The following PTPRG variants were observed in gnomAD, a reference collection of about 807,000 sequenced individuals.
PTPRG encodes the protein receptor-type tyrosine-protein phosphatase gamma.
A neutral mutation model predicts 165.3 loss-of-function variants in PTPRG; 102 were observed. The ratio of observed to expected loss-of-function variants is 0.62; its 90% CI spans 0.53 to 0.73. The LOEUF is 0.73. PTPRG is among the 30% of genes least tolerant of loss of function. The pLI is 0.00. For missense variants in PTPRG, 1,866 were observed against 1,861.4 expected, an observed-to-expected ratio of 1.00 and a Z score of -0.05; for synonymous variants, 675 against 669.5, an observed-to-expected ratio of 1.01 and a Z score of -0.13.
intron 2 of PTPRG, among the ~76,000 whole-genome samples, chr3:61,786,312 T>C (rs1422162473): frequency 6.6e-6 from 1 of 152,182 alleles, no homozygotes; most frequent in Non-Finnish European, 1.5e-5. Context: ...TTAATCTGAG[T>C]AAAGGACATA....
At chr3:61,751,611 GAA>G (rs1310678653) in intron 2 of PTPRG, among the ~76,000 whole-genome samples, 1 of 152,170 alleles carries the variant, frequency 6.6e-6, no homozygotes, top group Non-Finnish European at 1.5e-5. Flanking sequence ...GATGATGTTG[GAA>G]AAGTGTGACA....
chr3:61,743,487 G>C (rs2033082047), intron 1 of PTPRG, among the ~76,000 whole-genome samples: 1 of 151,418 alleles, frequency 6.6e-6, no homozygotes, highest in South Asian at 2.1e-4. Context: ...TGATGCTCAG[G>C]TTTGTCAGGC....
chr3:61,666,927 G>C (rs1363583307), intron 1 of PTPRG, among the ~76,000 whole-genome samples: 1 of 152,084 alleles, frequency 6.6e-6, no homozygotes, highest in Non-Finnish European at 1.5e-5. Flanking sequence ...GGAGTGAATG[G>C]GTGACTTCAA....
intron 1 of PTPRG, among the ~76,000 whole-genome samples, chr3:61,577,804 C>A (rs1204693013): frequency 6.6e-6 from 1 of 152,208 alleles, no homozygotes; most frequent in African/African-American, 2.4e-5. Context: ...CTCTTCCCTA[C>A]CCCTTCAAAA....
intron 2 of PTPRG, among the ~76,000 whole-genome samples, chr3:61,783,180 A>G (rs1170007474): frequency 6.6e-6 from 1 of 152,142 alleles, no homozygotes; most frequent in East Asian, 1.9e-4. Flanking sequence ...TGTCTCCACT[A>G]AAAATAAAAA....
chr3:61,590,088 G>C (rs1224515469), intron 1 of PTPRG, among the ~76,000 whole-genome samples: 1 of 152,002 alleles, frequency 6.6e-6, no homozygotes, highest in African/African-American at 2.4e-5. Context: ...TAGAGCTTGT[G>C]TCCGTGTACC....
intron 2 of PTPRG, among the ~76,000 whole-genome samples, chr3:61,778,707 T>C (rs1258921770): frequency 6.6e-6 from 1 of 152,106 alleles, no homozygotes; most frequent in Non-Finnish European, 1.5e-5. Flanking sequence ...TGACCTACTG[T>C]AGCCTTGAAG....
At chr3:61,890,408 C>CTTTTTTTT (rs1451955677) in intron 2 of PTPRG, among the ~76,000 whole-genome samples, 1 of 89,904 alleles carries the variant, frequency 1.1e-5, no homozygotes, top group African/African-American at 7.0e-5. Context: ...GTTTCTTGTT[C>CTTTTTTTT]TTTGTTTTTT....
intron 5 of PTPRG, among the ~76,000 whole-genome samples, chr3:62,084,698 C>T (rs1002338549): frequency 5.3e-5 from 8 of 152,126 alleles, no homozygotes; most frequent in African/African-American, 1.9e-4. Flanking sequence ...TCTCCACTTC[C>T]CTGCATTTCA....
intron 2 of PTPRG, among the ~76,000 whole-genome samples, chr3:61,935,053 ATCC>A (rs2039451432): frequency 6.6e-6 from 1 of 151,922 alleles, no homozygotes; most frequent in Non-Finnish European, 1.5e-5. Flanking sequence ...GTTTACAGAC[ATCC>A]TCCTCTCCTT....
At chr3:61,816,405 G>T (rs1391039032) in intron 2 of PTPRG, among the ~76,000 whole-genome samples, 3 of 152,078 alleles carry the variant, frequency 2.0e-5, no homozygotes, top group Non-Finnish European at 4.4e-5. Context: ...GGTGGTGGGG[G>T]CCCGTAATCC....
chr3:61,631,971 T>C (rs1304781890), intron 1 of PTPRG, among the ~76,000 whole-genome samples: 1 of 152,032 alleles, frequency 6.6e-6, no homozygotes, highest in Non-Finnish European at 1.5e-5. Flanking sequence ...GAGCCACATA[T>C]AGGGAGTGAT....
chr3:62,179,242 C>T lies in PTPRG; in HGVS notation c.1033+11079C>T, dbSNP rs78573331. Among the ~76,000 whole-genome samples, 11 of 152,294 alleles carry T rather than the reference C, an allele frequency of 7.2e-5. No homozygotes were observed. In the East Asian group the frequency reaches 1.9e-3, roughly 27 times the overall value. ...AGAAGAGGGAGCCCCATGTGGTGTCCTCTTGAGTCAGGCTTTTCTTATTCC... is the reference window on the plus strand; with the variant it reads ...AGAAGAGGGAGCCCCATGTGGTGTCTTCTTGAGTCAGGCTTTTCTTATTCC... On this transcript the variant is annotated intron_variant, in intron 8 of 29. Transcript: ENST00000474889.
intron 15 of PTPRG, among the ~76,000 whole-genome samples, chr3:62,251,468 G>A (rs1002290205): frequency 2.6e-5 from 4 of 152,126 alleles, no homozygotes; most frequent in African/African-American, 9.7e-5. Flanking sequence ...GGGCAACATA[G>A]CAAGACTCCA....
intron 7 of PTPRG, among the ~76,000 whole-genome samples, chr3:62,159,423 C>T (rs940193123): frequency 6.6e-6 from 1 of 152,076 alleles, no homozygotes; most frequent in Non-Finnish European, 1.5e-5. Context: ...GGCAGAGAGT[C>T]GTTGATTAGC....
At chr3:61,855,988 A>T (rs1011727712) in intron 2 of PTPRG, among the ~76,000 whole-genome samples, 1 of 151,996 alleles carries the variant, frequency 6.6e-6, no homozygotes, top group East Asian at 1.9e-4. Context: ...ACTTCTTCCT[A>T]TTTCCAGAAG....
chr3:62,016,433 C>G (rs575411966), intron 4 of PTPRG, among the ~76,000 whole-genome samples: 11 of 151,934 alleles, frequency 7.2e-5, no homozygotes, highest in African/African-American at 2.4e-4. Flanking sequence ...CCCAAAGTGC[C>G]GGGATTACAG....
intron 28 of PTPRG, among the ~76,000 whole-genome samples, chr3:62,285,524 T>TG (rs67228745): frequency 0.21 from 8,296 of 39,102 alleles, 640 homozygotes; most frequent in African/African-American, 0.26. Context: ...AGGTGGTTGT[T>TG]GGGGGGGGGG....
At position 62,103,435 on chromosome 3, in the gene PTPRG, A is replaced by G. The variant is rs1455999332; in HGVS notation, c.615+25177A>G. On this transcript the variant is annotated intron_variant, in intron 5 of 29. Coordinates refer to ENST00000474889, the MANE Select transcript of PTPRG (RefSeq NM_002841.4). ...ATAAACTAAGAGCAAAATAAAAGTT[A>G]TCCATCTCCAGCGCCTGGGATTCCG... 4.6e-5 allele frequency among the ~76,000 whole-genome samples: 7 copies of G among 152,238 alleles called. No homozygotes were observed. In the East Asian group the frequency reaches 1.3e-3, roughly 29 times the overall value.
Sources: allele counts gnomAD v4.1 joint callset (sites outside exome capture counted in the v4.1 genomes callset), GRCh38; gene constraint gnomAD v4.1.1; transcripts MANE v1.5; gene names NCBI Gene and HGNC (gene_info 2026-07-23, HGNC 2026-07-21).